ALKBH1: variants seen among roughly 807,000 people sequenced by gnomAD.
ALKBH1 encodes alkB homolog 1, histone H2A dioxygenase.
In ALKBH1, 31 loss-of-function variants were observed where a neutral mutation model predicts 36.6. That is an observed-to-expected ratio of 0.85 (90% CI 0.64 to 1.14). ALKBH1 has a LOEUF of 1.14. Among genes scored for constraint, ALKBH1 ranks in the 50% most tolerant of loss-of-function variants. The pLI is 0.00. For missense variants in ALKBH1, 490 were observed against 497.3 expected (o/e 0.99, Z 0.14); for synonymous variants, 183 against 186.6 (o/e 0.98, Z 0.16).
At chr14:77,693,232 T>TTC (rs2080308207) in intron 3 of ALKBH1, among the ~76,000 whole-genome samples, 1 of 150,874 alleles carries the variant, frequency 6.6e-6, no homozygotes, top group Non-Finnish European at 1.5e-5. Flanking sequence ...AAATTTTTTT[T>TTC]CATAGAGATG....
At chr14:77,700,724 T>C (rs956376167) in intron 2 of ALKBH1, among the ~76,000 whole-genome samples, 7 of 152,258 alleles carry the variant, frequency 4.6e-5, no homozygotes, top group Non-Finnish European at 1.5e-5. Context: ...GCTTGAATGG[T>C]GACAGGAAAT....
chr14:77,707,733 G>C (rs980600573), intron 1 of ALKBH1, 89 bp downstream of exon 1: 1 of 1,443,756 alleles, frequency 6.9e-7, no homozygotes, highest in Non-Finnish European at 9.3e-7. Context: ...AATCGGTCTG[G>C]AGGTGAAAAG....
intron 3 of ALKBH1, among the ~76,000 whole-genome samples, chr14:77,688,216 T>G (rs1223074222): frequency 6.6e-6 from 1 of 151,648 alleles, no homozygotes; most frequent in African/African-American, 2.4e-5. Context: ...TTGAGGCCTT[T>G]ATCATCTTTT....
At chr14:77,688,244 T>C (rs1033221695) in intron 3 of ALKBH1, among the ~76,000 whole-genome samples, 1 of 8,280 alleles carries the variant, frequency 1.2e-4, no homozygotes, top group African/African-American at 1.7e-4. Flanking sequence ...TTAAACTAAA[T>C]TTTTTTTTTT....
At chr14:77,685,281 A>G in intron 3 of ALKBH1, among the ~76,000 whole-genome samples, 1 of 152,042 alleles carries the variant, frequency 6.6e-6, no homozygotes, top group East Asian at 1.9e-4. Context: ...TGTCTCTACT[A>G]AAAAACCAAA....
chr14:77,694,860 C>T lies in ALKBH1; in HGVS notation c.333G>A (p.Gln111=), dbSNP rs768319022. ...TAAGGCACTGTTTCACCCAGTGCCA[C>T]TGGTAACCTGGGAGGAAGGGGTTTG... ...FIPNPFLPGY[Q]WHWVKQCLKL... Residue 111 remains glutamine, a synonymous_variant, in exon 3 of 6, where the codon CAG becomes CAA. Transcript: ENST00000216489. The T allele has an allele frequency of 6.3e-6, 10 of 1,581,762 alleles. No individual in the cohort carries two copies. Among genetic ancestry groups the T allele is most frequent in the Non-Finnish European group, 8.6e-6 (10 of 1,166,236 alleles).
intron 2 of ALKBH1, among the ~76,000 whole-genome samples, chr14:77,696,139 TAA>T (rs1373958686): frequency 6.6e-6 from 1 of 152,168 alleles, no homozygotes; most frequent in Admixed American, 6.5e-5. Context: ...CTACGCATGG[TAA>T]AGATTCATTC....
chr14:77,704,430 T>A lies in ALKBH1; in HGVS notation c.231A>T (p.Ala77=). The change falls in exon 2 of 6, where the codon GCA becomes GCT. Residue 77 remains alanine, a synonymous_variant. Transcript: ENST00000216489. ...LNVSSVSEQN[A]YRAGLQPVSK... is the part of the protein sequence containing the mutation. ...TGACGGGCTGAAGACCTGCTCTATA[T>A]GCATTCTGCTCACTGACAGAAGACA... 6.2e-7 allele frequency: 1 copy of A among 1,614,182 alleles called. No individual in the cohort carries two copies. The highest frequency in any genetic ancestry group is 8.5e-7 in the Non-Finnish European group (1 of 1,180,022).
In ALKBH1 at chr14:77,707,803, GCCACT is replaced by G; in HGVS notation, c.183+14_183+18del. ...GGGGCAAAGCGATGGAGAGACGCGC[GCCACT>G]CCTCTCTCTGTACCTTTTGGGCACC... is the stretch of plus-strand genomic sequence containing the variant. On this transcript the variant is annotated intron_variant, in intron 1 of 5. Coordinates refer to ENST00000216489, the MANE Select transcript of ALKBH1 (RefSeq NM_006020.3). The G allele has an allele frequency of 6.4e-7, 1 of 1,570,614 alleles. No individual in the cohort carries two copies. The highest frequency in any genetic ancestry group is 8.6e-7 in the Non-Finnish European group (1 of 1,156,342).
chr14:77,706,236 G>A (rs1297491317), intron 1 of ALKBH1, among the ~76,000 whole-genome samples: 1 of 151,932 alleles, frequency 6.6e-6, no homozygotes, highest in Non-Finnish European at 1.5e-5. Context: ...TATAATAAAA[G>A]GGCTATATGA....
chr14:77,693,194 G>A (rs1040468635), intron 3 of ALKBH1, among the ~76,000 whole-genome samples: 7 of 136,394 alleles, frequency 5.1e-5, no homozygotes, highest in East Asian at 2.1e-4. Flanking sequence ...CAACAAGAGC[G>A]AAACTCCGTC....
At chr14:77,678,816 G>A (rs2080220460) in intron 4 of ALKBH1, among the ~76,000 whole-genome samples, 1 of 151,922 alleles carries the variant, frequency 6.6e-6, no homozygotes, top group Admixed American at 6.6e-5. Context: ...TATAGAGCAG[G>A]CAAATATCTT....
Position 77,674,154 on chromosome 14 carries a change from CATG to C in ALKBH1, c.825_827del (p.Ile275del), listed in dbSNP as rs1398722596. On this transcript the variant is annotated inframe_deletion, in exon 6 of 6. Coordinates refer to ENST00000216489, the MANE Select transcript of ALKBH1 (RefSeq NM_006020.3). ...AGAGGCGGCTGAAACCCGACATTAT[CATG>C]ATGTCACCACTGTGCATAAACATGG... The C allele has an allele frequency of 6.2e-7, 1 of 1,614,096 alleles. No individual in the cohort carries two copies. The highest frequency in any genetic ancestry group is 1.3e-5 in the African/African-American group (1 of 74,950).
chr14:77,690,230 T>C (rs1225164477), intron 3 of ALKBH1, among the ~76,000 whole-genome samples: 2 of 151,892 alleles, frequency 1.3e-5, no homozygotes, highest in Non-Finnish European at 1.5e-5. Flanking sequence ...TGGAGGTCAA[T>C]GTGGCAGAAA....
At position 77,707,970 on chromosome 14, in the gene ALKBH1, G is replaced by T. The variant is rs1412780366; in HGVS notation, c.35C>A (p.Ala12Glu). The T allele has an allele frequency of 2.5e-6, 4 of 1,612,784 alleles. No homozygotes were observed. The African/African-American group carries it at 4.0e-5, about 16-fold the overall frequency. ...CTCCCCGGGCTCAGTCGCCAGAGTC[G>T]CCACAGAGCCCACGGCCGCTGCCAT... The part of the protein sequence containing the change: ...GKMAAAVGSV[A>E]TLATEPGEDA... The change falls in exon 1 of 6, where the codon GCG becomes GAG. Residue 12 changes from alanine (A) to glutamate (E), a missense_variant. Coordinates refer to ENST00000216489, the MANE Select transcript of ALKBH1 (RefSeq NM_006020.3).
intron 1 of ALKBH1, 144 bp from the exon 2 acceptor site, chr14:77,704,621 C>A (rs1455502848): frequency 1.6e-6 from 1 of 641,440 alleles, no homozygotes; most frequent in Admixed American, 2.5e-5. Flanking sequence ...ATTGCTCAGG[C>A]GAGTGCAGAG....
Position 77,704,452 on chromosome 14 carries a change from GAC to G in ALKBH1, c.207_208del (p.Ser70PhefsTer4). 6.2e-7 allele frequency: 1 copy of G among 1,614,068 alleles called. No homozygotes were observed. Among genetic ancestry groups the G allele is most frequent in the Non-Finnish European group, 8.5e-7 (1 of 1,179,950 alleles). On this transcript the variant is annotated frameshift_variant, in exon 2 of 6. Transcript: ENST00000216489. LOFTEE classifies it high-confidence loss of function. Reference sequence around the variant, plus strand: ...ATATGCATTCTGCTCACTGACAGAAGACACATTTAGCTGAGATTTGATCACCT... The same window carrying G: ...ATATGCATTCTGCTCACTGACAGAAGACATTTAGCTGAGATTTGATCACCT...
At chr14:77,675,996 T>TTA in intron 4 of ALKBH1, 147 bp from the exon 5 acceptor site, 7 of 736,922 alleles carry the variant, frequency 9.5e-6, no homozygotes, top group South Asian at 2.0e-5. Context: ...TTCTTTTCTT[T>TTA]TCTTTTTTTT....
rs576314837 is a variant in ALKBH1, at chr14:77,697,838, C to A, written c.293-2938G>T. ...GACCAGCCTGGGCAGCATGGTGAAA[C>A]CCTGTCTCTACAAAAAATACAAAAA... On this transcript the variant is annotated intron_variant, in intron 2 of 5. Coordinates refer to ENST00000216489, the MANE Select transcript of ALKBH1 (RefSeq NM_006020.3). Among the ~76,000 whole-genome samples, 27 of 151,900 alleles carry A rather than the reference C, an allele frequency of 1.8e-4. 1 individual carries two copies. Among genetic ancestry groups the A allele is most frequent in the Admixed American group, 3.3e-4 (5 of 15,262 alleles).
Sources: allele counts gnomAD v4.1 joint callset (sites outside exome capture counted in the v4.1 genomes callset), GRCh38; gene constraint gnomAD v4.1.1; transcripts MANE v1.5; gene names NCBI Gene and HGNC (gene_info 2026-07-23, HGNC 2026-07-21).